Variants in KCNH5 observed in about 807,000 individuals in gnomAD.
KCNH5 encodes potassium voltage-gated channel subfamily H member 5, also known as voltage-gated delayed rectifier potassium channel KCNH5.
In KCNH5, 46 loss-of-function variants were observed where a neutral mutation model predicts 96.1. The observed-to-expected ratio is 0.48, with a 90% CI of 0.38 to 0.61. The LOEUF (loss-of-function observed/expected upper bound fraction) is 0.61. Ranked by LOEUF, KCNH5 falls within the 20% of genes least tolerant of loss-of-function variation. The pLI is 0.00. For synonymous variants in KCNH5, 439 were observed against 449.8 expected (o/e 0.98, Z 0.30); for missense variants, 907 against 1,225.8 (o/e 0.74, Z 3.88).
chr14:62,799,374 C>G (rs568814035), intron 9 of KCNH5, among the ~76,000 whole-genome samples: 1 of 151,438 alleles, frequency 6.6e-6, no homozygotes, highest in African/African-American at 2.4e-5. Flanking sequence ...GTCAGGAGTT[C>G]GAGACCAGCC....
At chr14:62,909,712 G>A (rs969184795) in intron 7 of KCNH5, among the ~76,000 whole-genome samples, 2 of 151,516 alleles carry the variant, frequency 1.3e-5, no homozygotes, top group African/African-American at 4.9e-5. Flanking sequence ...TTGCTCACCC[G>A]CCACCCACAC....
intron 8 of KCNH5, among the ~76,000 whole-genome samples, chr14:62,849,375 G>T (rs1470604386): frequency 6.6e-6 from 1 of 152,156 alleles, no homozygotes; most frequent in African/African-American, 2.4e-5. Context: ...ACTGTGAGAG[G>T]TAATAAGACT....
intron 8 of KCNH5, among the ~76,000 whole-genome samples, chr14:62,817,074 C>CTA (rs1341681260): frequency 1.5e-5 from 2 of 132,886 alleles, no homozygotes; most frequent in Non-Finnish European, 3.2e-5. Flanking sequence ...GTGTGTGTAT[C>CTA]TATATATATA....
At chr14:62,924,604 G>C (rs1595686675) in intron 7 of KCNH5, among the ~76,000 whole-genome samples, 1 of 151,714 alleles carries the variant, frequency 6.6e-6, no homozygotes, top group African/African-American at 2.4e-5. Context: ...TAAAGAAAAT[G>C]TCTATATATT....
At chr14:63,034,109 G>A (rs560928684) in intron 1 of KCNH5, among the ~76,000 whole-genome samples, 9 of 152,086 alleles carry the variant, frequency 5.9e-5, no homozygotes, top group African/African-American at 9.6e-5. Context: ...TAGTAGAGGC[G>A]GGGTTTTACC....
intron 8 of KCNH5, among the ~76,000 whole-genome samples, chr14:62,805,805 C>A (rs17100387): frequency 5.3e-4 from 81 of 152,062 alleles, no homozygotes; most frequent in Non-Finnish European, 8.4e-4. Flanking sequence ...TGTTTGTCCC[C>A]TCTTTGCAAC....
intron 10 of KCNH5, among the ~76,000 whole-genome samples, chr14:62,711,671 G>T (rs1376194936): frequency 5.9e-5 from 9 of 152,194 alleles, no homozygotes; most frequent in African/African-American, 2.2e-4. Context: ...TCTTTAGAGA[G>T]CCAAAGTTCC....
chr14:62,864,292 A>G lies in KCNH5; in HGVS notation c.1370-14440T>C, dbSNP rs149952506. Among the ~76,000 whole-genome samples the G allele has an allele frequency of 5.3e-3, 813 of 152,344 alleles. 7 individuals are homozygous for G. Among genetic ancestry groups the G allele is most frequent in the African/African-American group, 0.019 (781 of 41,592 alleles). ...TATATTTTTCAGAAAAGTAGAAACT[A>G]TAATTCTCTGTAAAGAGCAATTAGG... is the stretch of plus-strand genomic sequence containing the variant. On this transcript the variant is annotated intron_variant, in intron 7 of 10. Coordinates refer to ENST00000322893, the MANE Select transcript of KCNH5 (RefSeq NM_139318.5).
intron 7 of KCNH5, among the ~76,000 whole-genome samples, chr14:62,912,410 ATT>A (rs34044347): frequency 1.6e-4 from 23 of 142,078 alleles, no homozygotes; most frequent in African/African-American, 4.6e-4. Flanking sequence ...CTATATCTTG[ATT>A]TTTTTTTTTT....
At chr14:62,748,306 A>G (rs1020827730) in intron 10 of KCNH5, among the ~76,000 whole-genome samples, 5 of 152,184 alleles carry the variant, frequency 3.3e-5, no homozygotes, top group East Asian at 1.9e-4. Context: ...TAATTACTAT[A>G]TTTTGCAAGA....
intron 7 of KCNH5, among the ~76,000 whole-genome samples, chr14:62,945,990 AG>A: frequency 6.6e-6 from 1 of 152,174 alleles, no homozygotes; most frequent in East Asian, 1.9e-4. Flanking sequence ...ATTTGAGCAG[AG>A]GAATGGTGTG....
At chr14:62,929,611 C>T (rs1595688680) in intron 7 of KCNH5, among the ~76,000 whole-genome samples, 2 of 152,126 alleles carry the variant, frequency 1.3e-5, no homozygotes, top group Non-Finnish European at 2.9e-5. Context: ...AGGACATAGA[C>T]TTTAATTATG....
chr14:62,973,549 G>A (rs1454323012), intron 6 of KCNH5, among the ~76,000 whole-genome samples: 1 of 152,142 alleles, frequency 6.6e-6, no homozygotes, highest in East Asian at 1.9e-4. Flanking sequence ...CTTCCACCAT[G>A]TGAGGACAGC....
Position 62,703,063 on chromosome 14 carries a change from C to T in KCNH5, c.*4445G>A, listed in dbSNP as rs1374617665. 2 of 151,832 alleles carry T rather than the reference C, an allele frequency of 1.3e-5. No individual in the cohort carries two copies. Among genetic ancestry groups the T allele is most frequent in the African/African-American group, 4.8e-5 (2 of 41,388 alleles). 9.4% of individuals were successfully genotyped at this position (151,832 alleles called of 1,614,324 possible). ...TTTTCACAAAATTGAGAATTTCTGC[C>T]AAGCAGTATGATTAAGTAGAAATAA... On this transcript the variant is annotated 3_prime_UTR_variant, in exon 11 of 11. Coordinates refer to ENST00000322893, the MANE Select transcript of KCNH5 (RefSeq NM_139318.5).
intron 7 of KCNH5, among the ~76,000 whole-genome samples, chr14:62,911,004 A>G (rs1407272063): frequency 2.0e-5 from 3 of 151,828 alleles, no homozygotes; most frequent in Admixed American, 2.0e-4. Context: ...CATATTATAC[A>G]TTTGTTTCTT....
intron 7 of KCNH5, among the ~76,000 whole-genome samples, chr14:62,915,040 C>T (rs1018834981): frequency 3.9e-5 from 6 of 152,218 alleles, no homozygotes; most frequent in Non-Finnish European, 5.9e-5. Context: ...AAGTGTCTTA[C>T]GGAATCAGAC....
chr14:62,720,983 A>G (rs984741196), intron 10 of KCNH5, among the ~76,000 whole-genome samples: 1 of 152,240 alleles, frequency 6.6e-6, no homozygotes, highest in Admixed American at 6.5e-5. Context: ...GCGAAGAGTG[A>G]TGACTGCGGA....
intron 7 of KCNH5, among the ~76,000 whole-genome samples, chr14:62,943,421 C>A (rs530630064): frequency 6.6e-6 from 1 of 152,198 alleles, no homozygotes; most frequent in African/African-American, 2.4e-5. Context: ...CAAAATTAGT[C>A]AGTGTGCCTA....
chr14:62,963,498 T>C (rs1036109981), intron 6 of KCNH5, among the ~76,000 whole-genome samples: 18 of 152,092 alleles, frequency 1.2e-4, no homozygotes, highest in Non-Finnish European at 2.2e-4. Flanking sequence ...GATATTGCAA[T>C]TCAAGTCCAA....
Sources: allele counts gnomAD v4.1 joint callset (sites outside exome capture counted in the v4.1 genomes callset), GRCh38; gene constraint gnomAD v4.1.1; transcripts MANE v1.5; gene names NCBI Gene and HGNC (gene_info 2026-07-23, HGNC 2026-07-21).